Variants in TSBP1 observed in about 807,000 individuals in gnomAD.
TSBP1 encodes the protein testis-expressed basic protein 1.
In TSBP1, 56 loss-of-function variants were observed where a neutral mutation model predicts 68.8. That is an observed-to-expected ratio of 0.81 (90% CI 0.66 to 1.02). The LOEUF is 1.02. Ranked by LOEUF, TSBP1 falls within the 50% of genes least tolerant of loss-of-function variation. The probability of loss-of-function intolerance (pLI) is 0.00; values close to 1 mark genes in which losing one functional copy is unlikely to be tolerated. For missense variants in TSBP1, 502 were observed against 641.2 expected, an observed-to-expected ratio of 0.78 and a Z score of 2.34; for synonymous variants, 171 against 208.7, an observed-to-expected ratio of 0.82 and a Z score of 1.56.
At chr6:32,358,440 G>A (rs1400569164) in intron 6 of TSBP1, among the ~76,000 whole-genome samples, 1 of 152,082 alleles carries the variant, frequency 6.6e-6, no homozygotes, top group Admixed American at 6.5e-5. Context: ...TATACTTTAA[G>A]TTCTAGGGTA....
intron 7 of TSBP1, 147 bp from the exon 8 acceptor site, chr6:32,355,291 A>G: frequency 1.3e-6 from 1 of 772,072 alleles, no homozygotes; most frequent in Non-Finnish European, 2.2e-6. Flanking sequence ...ATGGGTACTG[A>G]CAGCCACTCC....
chr6:32,355,400 CCTCT>C (rs1477134333), intron 7 of TSBP1, among the ~76,000 whole-genome samples: 7 of 151,620 alleles, frequency 4.6e-5, no homozygotes, highest in South Asian at 2.1e-4. Context: ...CCCTTTTTTC[CCTCT>C]CTATTTTCTT....
At chr6:32,342,750 C>T (rs1770522053) in intron 9 of TSBP1, among the ~76,000 whole-genome samples, 1 of 152,090 alleles carries the variant, frequency 6.6e-6, no homozygotes, top group East Asian at 1.9e-4. Context: ...AGTTCAGATA[C>T]GAAGTGAGCA....
intron 19 of TSBP1, among the ~76,000 whole-genome samples, chr6:32,309,750 CA>C (rs9279575): frequency 0.21 from 31,963 of 152,002 alleles, 3,533 homozygotes; most frequent in East Asian, 0.22. Flanking sequence ...GTGTTACAAA[CA>C]TTGCAATTAT....
chr6:32,308,468 GGCGCCTGTAGTCCCA>G (rs1214724376), intron 19 of TSBP1, among the ~76,000 whole-genome samples: 1 of 149,406 alleles, frequency 6.7e-6, no homozygotes, highest in Non-Finnish European at 1.5e-5. Context: ...CGTAGTGGCG[GGCGCCTGTAGTCCCA>G]GCTACTTGGG....
intron 6 of TSBP1, among the ~76,000 whole-genome samples, chr6:32,360,339 A>G (rs1772853779): frequency 6.6e-6 from 1 of 152,054 alleles, no homozygotes; most frequent in Admixed American, 6.6e-5. Flanking sequence ...GTTGTCACAA[A>G]TGGCAAGATT....
intron 14 of TSBP1, among the ~76,000 whole-genome samples, chr6:32,332,861 C>T (rs1474727): frequency 0.42 from 63,987 of 151,846 alleles, 14,378 homozygotes; most frequent in African/African-American, 0.54. Flanking sequence ...GATCCTCCTG[C>T]CTTAGCCTCC....
At chr6:32,318,550 A>T (rs1202117631) in intron 18 of TSBP1, among the ~76,000 whole-genome samples, 3 of 152,198 alleles carry the variant, frequency 2.0e-5, no homozygotes, top group Admixed American at 6.5e-5. Context: ...ACATAATGAA[A>T]TATTATTTGG....
At chr6:32,346,477 C>T (rs1192721907) in intron 9 of TSBP1, among the ~76,000 whole-genome samples, 3 of 152,148 alleles carry the variant, frequency 2.0e-5, no homozygotes, top group African/African-American at 4.8e-5. Flanking sequence ...AGCAAATTTT[C>T]CTGTATCTTT....
intron 9 of TSBP1, chr6:32,349,448 TCTTA>T: frequency 1.7e-5 from 4 of 235,428 alleles, no homozygotes; most frequent in Non-Finnish European, 3.4e-5. Flanking sequence ...TTCATCCTCA[TCTTA>T]TTTTTCTTAC....
intron 22 of TSBP1, among the ~76,000 whole-genome samples, chr6:32,296,373 T>C (rs1371101390): frequency 6.6e-6 from 1 of 152,196 alleles, no homozygotes; most frequent in African/African-American, 2.4e-5. Context: ...AAAAATAACA[T>C]TAGGAAAATT....
intron 2 of TSBP1, among the ~76,000 whole-genome samples, chr6:32,369,371 TGA>T (rs1774128590): frequency 2.6e-5 from 2 of 78,422 alleles, no homozygotes; most frequent in Admixed American, 1.6e-4. Flanking sequence ...CTAAACTCTG[TGA>T]TTTTTTTTTT....
chr6:32,353,044 A>G (rs1771887381), intron 8 of TSBP1: 1 of 151,994 alleles, frequency 6.6e-6, no homozygotes, highest in Non-Finnish European at 1.5e-5. Context: ...ACAGCAAGCT[A>G]GAAAAAGGAA....
chr6:32,354,477 G>A (rs1474843227), intron 8 of TSBP1, among the ~76,000 whole-genome samples: 1 of 152,034 alleles, frequency 6.6e-6, no homozygotes, highest in Non-Finnish European at 1.5e-5. Context: ...ATGCCTCTAT[G>A]TAACTACCAA....
At position 32,332,043 on chromosome 6, in the gene TSBP1, C is replaced by A; in HGVS notation, c.484G>T (p.Gly162Ter). 6.2e-7 allele frequency: 1 copy of A among 1,600,094 alleles called. No individual in the cohort carries two copies. The highest frequency in any genetic ancestry group is 1.3e-5 in the African/African-American group (1 of 74,700). The change falls in exon 15 of 23, where the codon GGA (glycine) becomes TGA (stop). Residue 162 changes from glycine to a stop codon, truncating the protein, a stop_gained. Coordinates refer to ENST00000612031, the Ensembl canonical transcript of TSBP1. LOFTEE classifies it high-confidence loss of function. Reference sequence around the variant, plus strand: ...TATACAGGCAGCTTACCAATAGGTCCTGGAGTTTGCACTAAAAAGAAATTC... The same window carrying A: ...TATACAGGCAGCTTACCAATAGGTCATGGAGTTTGCACTAAAAAGAAATTC...
intron 17 of TSBP1, 64 bp downstream of exon 18, chr6:32,323,527 C>CT: frequency 6.6e-7 from 1 of 1,510,666 alleles, no homozygotes; most frequent in Non-Finnish European, 9.2e-7. Context: ...AGACAGGTCT[C>CT]TAAGCCTTGC....
rs1486075802 is a variant in TSBP1, at chr6:32,365,583, A to C, written c.217+584T>G. 5 of 456,356 alleles carry C rather than the reference A, an allele frequency of 1.1e-5. No homozygotes were observed. Among genetic ancestry groups the C allele is most frequent in the Admixed American group, 2.4e-5 (1 of 42,544 alleles). 28.3% of individuals were successfully genotyped at this position (456,356 alleles called of 1,614,324 possible). A position where few individuals can be genotyped will look rare whatever the true frequency, so the allele number is the denominator to read the frequency against. On this transcript the variant is annotated intron_variant, in intron 6 of 22. Coordinates refer to ENST00000612031, the Ensembl canonical transcript of TSBP1. This position sits in a 1 kb window ranked among gnomAD's most constrained non-coding sequence, Gnocchi z 4.3. ...ATCTCAATGTTCTGGGTGGAGTGAGAAATAAGTGGGCTTATCGGACAGCAT... is the reference window on the plus strand; with the variant it reads ...ATCTCAATGTTCTGGGTGGAGTGAGCAATAAGTGGGCTTATCGGACAGCAT...
intron 14 of TSBP1, among the ~76,000 whole-genome samples, chr6:32,334,822 A>G (rs1157824162): frequency 6.6e-6 from 1 of 152,178 alleles, no homozygotes; most frequent in Non-Finnish European, 1.5e-5. Flanking sequence ...TCACGAGGTC[A>G]GGAGATCGAG....
chr6:32,339,570 A>G, intron 10 of TSBP1, 30 bp downstream of exon 11: 1 of 1,192,324 alleles, frequency 8.4e-7, no homozygotes, highest in Admixed American at 1.8e-5. Context: ...CAGTAAAAAA[A>G]GGACTGAGTT....
Sources: gnomAD v4.1 joint callset for allele counts (sites outside exome capture counted in the v4.1 genomes callset) on GRCh38, gnomAD v4.1.1 for gene constraint, Gnocchi (gnomAD v3.1) non-coding constraint, MANE v1.5 for transcripts, NCBI Gene and HGNC (gene_info 2026-07-23, HGNC 2026-07-21) for gene names.